The following TRPC4 variants were observed in gnomAD, a reference collection of about 807,000 sequenced individuals.
TRPC4 encodes the protein short transient receptor potential channel 4.
In TRPC4, 49 loss-of-function variants were observed where a neutral mutation model predicts 99.4. The ratio of observed to expected loss-of-function variants is 0.49; its 90% CI spans 0.39 to 0.63. The LOEUF (loss-of-function observed/expected upper bound fraction) is 0.63. TRPC4 is among the 20% of genes least tolerant of loss of function. The pLI is 0.00. For missense variants in TRPC4, 898 were observed against 1,152.9 expected, an observed-to-expected ratio of 0.78 and a Z score of 3.20; for synonymous variants, 454 against 425.9, an observed-to-expected ratio of 1.07 and a Z score of -0.81.
chr13:37,651,809 GA>G (rs1952053648), intron 7 of TRPC4, among the ~76,000 whole-genome samples: 1 of 152,212 alleles, frequency 6.6e-6, no homozygotes, highest in African/African-American at 2.4e-5. Flanking sequence ...ATTCAGGCCA[GA>G]AATAGACTTT....
At position 37,860,874 on chromosome 13, in the gene TRPC4, A is replaced by G. The variant is rs1959263731; in HGVS notation, c.-28+8721T>C. Among the ~76,000 whole-genome samples the G allele has an allele frequency of 4.6e-5, 7 of 151,536 alleles. No individual in the cohort carries two copies. In the South Asian group the frequency reaches 1.5e-3, roughly 31 times the overall value. The stretch of plus-strand genomic sequence containing the variant: ...TATTGAAGAAACAAAGGGTATGTGA[A>G]ACGCTTTGAGCAGTCGCTGTCTTCG... On this transcript the variant is annotated intron_variant, in intron 1 of 10. Transcript: ENST00000379705.
At chr13:37,827,096 G>T (rs986156134) in intron 1 of TRPC4, among the ~76,000 whole-genome samples, 3 of 151,864 alleles carry the variant, frequency 2.0e-5, no homozygotes, top group African/African-American at 7.3e-5. Flanking sequence ...TCTTCACGTA[G>T]TTCTCCAGCC....
intron 1 of TRPC4, among the ~76,000 whole-genome samples, chr13:37,837,600 C>G (rs1958601363): frequency 6.6e-6 from 1 of 152,162 alleles, no homozygotes; most frequent in African/African-American, 2.4e-5. Flanking sequence ...CTGTATTTAC[C>G]CAGTGTCTGT....
At chr13:37,693,539 T>C (rs1469237511) in intron 3 of TRPC4, among the ~76,000 whole-genome samples, 3 of 152,226 alleles carry the variant, frequency 2.0e-5, no homozygotes, top group Non-Finnish European at 4.4e-5. Flanking sequence ...CCATCTTTCT[T>C]CTTTAGTTCT....
chr13:37,670,286 T>C lies in TRPC4; in HGVS notation c.1374+3942A>G, dbSNP rs1464726163. Among the ~76,000 whole-genome samples the C allele has an allele frequency of 3.9e-5, 6 of 152,348 alleles. No individual in the cohort carries two copies. In the East Asian group the frequency reaches 9.6e-4, roughly 24 times the overall value. On this transcript the variant is annotated intron_variant, in intron 5 of 10. Coordinates refer to ENST00000379705, the MANE Select transcript of TRPC4 (RefSeq NM_016179.4). Reference sequence around the variant, plus strand: ...AAACAAGGCTGGCCCCTATGACAGATGTTTCTAAAAGGTTCTTTTTCTGAA... The same window carrying C: ...AAACAAGGCTGGCCCCTATGACAGACGTTTCTAAAAGGTTCTTTTTCTGAA...
At chr13:37,721,632 G>A (rs902865821) in intron 3 of TRPC4, among the ~76,000 whole-genome samples, 2 of 152,040 alleles carry the variant, frequency 1.3e-5, no homozygotes, top group Non-Finnish European at 2.9e-5. Flanking sequence ...CTAAATGTTC[G>A]AAGATTGTTT....
intron 3 of TRPC4, among the ~76,000 whole-genome samples, chr13:37,720,428 G>A (rs1954831326): frequency 6.6e-6 from 1 of 152,074 alleles, no homozygotes; most frequent in Non-Finnish European, 1.5e-5. Context: ...TTGGACATGA[G>A]AAACCGAGCA....
intron 3 of TRPC4, among the ~76,000 whole-genome samples, chr13:37,716,693 A>AAATTTCAG (rs1462220409): frequency 2.6e-5 from 4 of 152,144 alleles, no homozygotes; most frequent in Non-Finnish European, 5.9e-5. Flanking sequence ...TTTTAACATA[A>AAATTTCAG]AATTTCAGAT....
In TRPC4 at chr13:37,779,360, G is replaced by A. The variant is rs543237708; in HGVS notation, c.378+3596C>T. On this transcript the variant is annotated intron_variant, in intron 2 of 10. Transcript: ENST00000379705. ...AGTGCAATGATTCCTGCTTAGTGTA[G>A]AGAATCAGAGGCTCTCTGTGCTGTC... 1.4e-4 allele frequency among the ~76,000 whole-genome samples: 21 copies of A among 151,674 alleles called. 1 individual carries two copies. Among genetic ancestry groups the A allele is most frequent in the African/African-American group, 4.8e-4 (20 of 41,406 alleles).
At chr13:37,643,509 C>A (rs919710103) in intron 8 of TRPC4, among the ~76,000 whole-genome samples, 8 of 152,112 alleles carry the variant, frequency 5.3e-5, no homozygotes, top group African/African-American at 1.4e-4. Flanking sequence ...TTAGATGGGT[C>A]ATGAAGGAAT....
At chr13:37,669,522 A>G (rs1311287734) in intron 5 of TRPC4, among the ~76,000 whole-genome samples, 1 of 152,204 alleles carries the variant, frequency 6.6e-6, no homozygotes, top group African/African-American at 2.4e-5. Flanking sequence ...AAAACTTTGC[A>G]TGTAAAATGG....
intron 4 of TRPC4, among the ~76,000 whole-genome samples, chr13:37,689,248 AC>A (rs1302799248): frequency 6.6e-6 from 1 of 152,108 alleles, no homozygotes; most frequent in Non-Finnish European, 1.5e-5. Context: ...GCTTGTGACC[AC>A]CCATAATTTA....
chr13:37,836,381 G>A (rs545233754), intron 1 of TRPC4, among the ~76,000 whole-genome samples: 9 of 152,242 alleles, frequency 5.9e-5, no homozygotes, highest in Non-Finnish European at 1.2e-4. Context: ...CAGAATACAG[G>A]AAAATATGGG....
chr13:37,719,546 AT>A (rs34703518), intron 3 of TRPC4, among the ~76,000 whole-genome samples: 1 of 152,084 alleles, frequency 6.6e-6, no homozygotes, highest in Admixed American at 6.6e-5. Flanking sequence ...ATAAAAGATC[AT>A]TTTTTCTATT....
intron 3 of TRPC4, among the ~76,000 whole-genome samples, chr13:37,699,840 A>G (rs1047987337): frequency 1.3e-5 from 2 of 152,274 alleles, no homozygotes; most frequent in South Asian, 2.1e-4. Flanking sequence ...GGCTGATTAA[A>G]CTTCTGAAAC....
intron 2 of TRPC4, among the ~76,000 whole-genome samples, chr13:37,764,628 C>T (rs1253343661): frequency 2.6e-5 from 4 of 151,214 alleles, no homozygotes; most frequent in Admixed American, 6.6e-5. Flanking sequence ...GCTCATTTTA[C>T]GGATATTAAC....
chr13:37,682,468 T>C (rs567388819), intron 4 of TRPC4, among the ~76,000 whole-genome samples: 1 of 152,324 alleles, frequency 6.6e-6, no homozygotes, highest in African/African-American at 2.4e-5. Context: ...TCTGGACCTC[T>C]AAGAGGCACT....
intron 3 of TRPC4, among the ~76,000 whole-genome samples, chr13:37,699,763 G>T (rs1015942860): frequency 2.0e-5 from 3 of 152,174 alleles, no homozygotes; most frequent in Non-Finnish European, 4.4e-5. Context: ...CATGACATTT[G>T]ATGTCACATA....
chr13:37,838,166 CT>C (rs1312508330), intron 1 of TRPC4, among the ~76,000 whole-genome samples: 5 of 152,186 alleles, frequency 3.3e-5, no homozygotes, highest in Non-Finnish European at 7.3e-5. Flanking sequence ...TGAAAATGGA[CT>C]AACACATATT....
Sources: gnomAD v4.1 joint callset for allele counts (sites outside exome capture counted in the v4.1 genomes callset) on GRCh38, gnomAD v4.1.1 for gene constraint, MANE v1.5 for transcripts, NCBI Gene and HGNC (gene_info 2026-07-23, HGNC 2026-07-21) for gene names.